Variants in DAB2IP observed in about 807,000 individuals in gnomAD.
DAB2IP encodes DAB2 interacting protein.
DAB2IP carries 28 observed loss-of-function variants against 107.2 expected under a neutral mutation model. The observed-to-expected ratio is 0.26, with a 90% confidence interval of 0.19 to 0.36. The LOEUF is 0.36. DAB2IP is among the 10% of genes least tolerant of loss of function. The pLI is 1.00. For missense variants in DAB2IP, 1,400 were observed against 1,644.7 expected, an observed-to-expected ratio of 0.85 and a Z score of 2.57; for synonymous variants, 755 against 706.4, an observed-to-expected ratio of 1.07 and a Z score of -1.09.
At chr9:121,755,905 G>T (rs1221777486) in intron 3 of DAB2IP, among the ~76,000 whole-genome samples, 4 of 152,228 alleles carry the variant, frequency 2.6e-5, no homozygotes, top group Non-Finnish European at 4.4e-5. Context: ...GCGAGGCAGG[G>T]AGAGAATGAT....
chr9:121,746,484 G>T (rs1340260914), intron 3 of DAB2IP, among the ~76,000 whole-genome samples: 1 of 152,188 alleles, frequency 6.6e-6, no homozygotes, highest in Non-Finnish European at 1.5e-5. Context: ...CGGACAAATG[G>T]CTGGTCCTTG....
intron 3 of DAB2IP, among the ~76,000 whole-genome samples, chr9:121,714,313 G>T (rs1830482804): frequency 6.6e-6 from 1 of 152,234 alleles, no homozygotes; most frequent in Non-Finnish European, 1.5e-5. Flanking sequence ...AGTCATTATG[G>T]AGGGAAAATA....
chr9:121,734,371 G>A (rs1831741696), intron 3 of DAB2IP, among the ~76,000 whole-genome samples: 1 of 137,846 alleles, frequency 7.3e-6, no homozygotes. Context: ...GCAACAGAGC[G>A]AGACTCCGTC....
intron 1 of DAB2IP, among the ~76,000 whole-genome samples, chr9:121,625,894 C>T (rs1256475666): frequency 6.6e-6 from 1 of 152,180 alleles, no homozygotes; most frequent in East Asian, 1.9e-4. Context: ...GGCCCACATT[C>T]CAATAGGACA....
intron 1 of DAB2IP, among the ~76,000 whole-genome samples, chr9:121,629,570 CT>C (rs983920820): frequency 6.6e-6 from 1 of 152,200 alleles, no homozygotes; most frequent in African/African-American, 2.4e-5. Flanking sequence ...GTCAGCTTTG[CT>C]CTTTCTGAAC....
At chr9:121,668,382 C>A (rs1050205377) in intron 1 of DAB2IP, among the ~76,000 whole-genome samples, 4 of 151,958 alleles carry the variant, frequency 2.6e-5, no homozygotes, top group African/African-American at 9.7e-5. Flanking sequence ...GGATGACACG[C>A]ATGCATTACC....
At chr9:121,626,799 A>G (rs75935166) in intron 1 of DAB2IP, among the ~76,000 whole-genome samples, 11,092 of 152,254 alleles carry the variant, frequency 0.073, 484 homozygotes, top group Non-Finnish European at 0.1. Flanking sequence ...ACGAAGGCAC[A>G]GGAAGATTCA....
At chr9:121,735,241 C>T (rs767243202) in intron 3 of DAB2IP, among the ~76,000 whole-genome samples, 9 of 152,066 alleles carry the variant, frequency 5.9e-5, no homozygotes, top group East Asian at 1.9e-4. Flanking sequence ...TGTGGGCAGA[C>T]GGGGTGGTGT....
chr9:121,611,194 G>A (rs1045757498), intron 1 of DAB2IP, among the ~76,000 whole-genome samples: 1 of 152,164 alleles, frequency 6.6e-6, no homozygotes, highest in African/African-American at 2.4e-5. Flanking sequence ...GGCTGGTCTC[G>A]AACTCCTGAC....
At chr9:121,605,917 G>A (rs1167551137) in intron 1 of DAB2IP, among the ~76,000 whole-genome samples, 2 of 152,206 alleles carry the variant, frequency 1.3e-5, no homozygotes, top group Non-Finnish European at 2.9e-5. Context: ...TGAACATCGA[G>A]GAGTCACATA....
At chr9:121,692,078 T>C (rs1241178667) in intron 2 of DAB2IP, among the ~76,000 whole-genome samples, 4 of 152,194 alleles carry the variant, frequency 2.6e-5, no homozygotes, top group Admixed American at 6.5e-5. Context: ...AGATCTGGGC[T>C]CCTAACTCTG....
At chr9:121,601,342 G>A (rs1417404838) in intron 1 of DAB2IP, among the ~76,000 whole-genome samples, 2 of 152,258 alleles carry the variant, frequency 1.3e-5, no homozygotes, top group East Asian at 3.9e-4. Context: ...CCCACTTGGT[G>A]AACATCTAGT....
At chr9:121,596,453 C>T (rs543230914) in intron 1 of DAB2IP, among the ~76,000 whole-genome samples, 3 of 152,174 alleles carry the variant, frequency 2.0e-5, no homozygotes, top group Admixed American at 6.5e-5. Flanking sequence ...AGTTCGAGGC[C>T]GCAGTGAGCT....
intron 1 of DAB2IP, among the ~76,000 whole-genome samples, chr9:121,646,029 C>T (rs1402195257): frequency 1.3e-5 from 2 of 152,064 alleles, no homozygotes; most frequent in African/African-American, 2.4e-5. Flanking sequence ...GCTCTGCCCT[C>T]GGCCCAGCCC....
Position 121,712,709 on chromosome 9 carries a change from G to A in DAB2IP, c.362+13251G>A, listed in dbSNP as rs1830396719. On this transcript the variant is annotated intron_variant, in intron 3 of 15. Coordinates refer to ENST00000408936, the Ensembl canonical transcript of DAB2IP. ...CGCCACGCCATGAGTACTCTTGAAAGGCCTTGCTCCAAACCTTCTGTAGGA... is the reference window on the plus strand; with the variant it reads ...CGCCACGCCATGAGTACTCTTGAAAAGCCTTGCTCCAAACCTTCTGTAGGA... Among the ~76,000 whole-genome samples, 2 of 152,188 alleles carry A rather than the reference G, an allele frequency of 1.3e-5. 1 individual carries two copies. The highest frequency in any genetic ancestry group is 1.3e-4 in the Admixed American group (2 of 15,276).
rs756684184 is a variant in DAB2IP, at chr9:121,772,667, C to T, written c.2139C>T (p.Val713=). ...CCGAAAACAAGGACTTGTTTTTTGT[C>T]ACAAGGTCCTCCGGGGTCCAGCCCT... is the stretch of plus-strand genomic sequence containing the variant. Residue 713 remains valine, a synonymous_variant, in exon 12 of 16, where the codon GTC becomes GTT. Coordinates refer to ENST00000408936, the Ensembl canonical transcript of DAB2IP. The surrounding 1 kb of genome is among the most constrained non-coding windows in gnomAD (Gnocchi z 4.7). The T allele has an allele frequency of 8.7e-6, 14 of 1,613,884 alleles. No individual in the cohort carries two copies. In the Admixed American group the frequency reaches 1.5e-4, roughly 17 times the overall value.
intron 2 of DAB2IP, among the ~76,000 whole-genome samples, chr9:121,691,366 G>T (rs1248977287): frequency 6.6e-6 from 1 of 152,112 alleles, no homozygotes. Context: ...GGTACCTGAA[G>T]GGTGTGGAGA....
chr9:121,775,112 T>C (rs1306664180), intron 13 of DAB2IP, among the ~76,000 whole-genome samples: 1 of 152,210 alleles, frequency 6.6e-6, no homozygotes, highest in African/African-American at 2.4e-5. Context: ...GCTCTGGATC[T>C]GGGGGTAGTT....
chr9:121,621,984 C>CTTTTT (rs1202929145), intron 1 of DAB2IP, among the ~76,000 whole-genome samples: 235 of 99,688 alleles, frequency 2.4e-3, no homozygotes, highest in African/African-American at 3.0e-3. Context: ...TTTTTTCTTT[C>CTTTTT]TTTTTTTTTT....
Sources: gnomAD v4.1 joint callset for allele counts (sites outside exome capture counted in the v4.1 genomes callset) on GRCh38, gnomAD v4.1.1 for gene constraint, Gnocchi (gnomAD v3.1) non-coding constraint, MANE v1.5 for transcripts, NCBI Gene and HGNC (gene_info 2026-07-23, HGNC 2026-07-21) for gene names.